Variants in CACNA2D1 observed in about 807,000 individuals in gnomAD.
CACNA2D1 encodes the protein calcium voltage-gated channel auxiliary subunit alpha2delta 1.
A neutral mutation model predicts 171.5 loss-of-function variants in CACNA2D1; 53 were observed. The observed-to-expected ratio is 0.31, with a 90% confidence interval of 0.25 to 0.39. The LOEUF (loss-of-function observed/expected upper bound fraction) is 0.39. Among genes scored for constraint, CACNA2D1 ranks in the 10% least tolerant of loss-of-function variants. The pLI, the probability that CACNA2D1 is intolerant of heterozygous loss-of-function variation, is 1.00. For synonymous variants in CACNA2D1, 442 were observed against 443.1 expected, an observed-to-expected ratio of 1.00 and a Z score of 0.03; for missense variants, 903 against 1,299.8, an observed-to-expected ratio of 0.69 and a Z score of 4.69.
chr7:82,382,895 C>T (rs1823867628), intron 1 of CACNA2D1, among the ~76,000 whole-genome samples: 1 of 152,142 alleles, frequency 6.6e-6, no homozygotes, highest in Admixed American at 6.6e-5. Flanking sequence ...GGAGACATTT[C>T]TGCATGAAAT....
intron 1 of CACNA2D1, among the ~76,000 whole-genome samples, chr7:82,367,221 T>C (rs937234401): frequency 6.6e-6 from 1 of 152,130 alleles, no homozygotes; most frequent in Non-Finnish European, 1.5e-5. Flanking sequence ...TTTTTGACTT[T>C]TTAAATATCC....
intron 3 of CACNA2D1, among the ~76,000 whole-genome samples, chr7:82,310,423 CTAAA>C (rs1193508154): frequency 6.6e-6 from 1 of 151,800 alleles, no homozygotes; most frequent in Non-Finnish European, 1.5e-5. Flanking sequence ...GCAGACAAAA[CTAAA>C]TGGGCATAGA....
intron 1 of CACNA2D1, among the ~76,000 whole-genome samples, chr7:82,361,556 T>C (rs564432895): frequency 1.6e-4 from 24 of 152,308 alleles, no homozygotes; most frequent in African/African-American, 4.8e-4. Flanking sequence ...AAAAAAATTA[T>C]ATAATTGCGA....
At chr7:82,283,514 A>G (rs1388197787) in intron 3 of CACNA2D1, among the ~76,000 whole-genome samples, 1 of 152,234 alleles carries the variant, frequency 6.6e-6, no homozygotes, top group Admixed American at 6.5e-5. Flanking sequence ...GCAATTTCAT[A>G]TGGAGATTAA....
intron 1 of CACNA2D1, among the ~76,000 whole-genome samples, chr7:82,380,986 C>T (rs934612349): frequency 2.6e-5 from 4 of 151,938 alleles, no homozygotes; most frequent in South Asian, 2.1e-4. Flanking sequence ...TGAGCCACTG[C>T]GCCCGGCCAC....
At chr7:82,028,810 A>G (rs1802285391) in intron 12 of CACNA2D1, 1 of 151,924 alleles carries the variant, frequency 6.6e-6, no homozygotes, top group Non-Finnish European at 1.5e-5. Context: ...ATCTCATGAT[A>G]AAACTTGAAC....
intron 3 of CACNA2D1, among the ~76,000 whole-genome samples, chr7:82,246,837 C>T (rs1005347868): frequency 2.6e-5 from 4 of 152,092 alleles, no homozygotes; most frequent in Admixed American, 1.3e-4. Flanking sequence ...TGGTTAAATT[C>T]TGTCAGTATT....
At chr7:82,355,652 A>T (rs1285486915) in intron 1 of CACNA2D1, among the ~76,000 whole-genome samples, 1 of 152,034 alleles carries the variant, frequency 6.6e-6, no homozygotes, top group African/African-American at 2.4e-5. Flanking sequence ...CCGTGCTCCT[A>T]TGGCTCCTAT....
chr7:82,410,713 G>A lies in CACNA2D1; in HGVS notation c.95+32652C>T, dbSNP rs1462214766. Among the ~76,000 whole-genome samples the A allele has an allele frequency of 2.0e-5, 3 of 152,194 alleles. No individual in the cohort carries two copies. In the East Asian group the frequency reaches 5.8e-4, roughly 29 times the overall value. The stretch of plus-strand genomic sequence containing the variant: ...CTAAAAATAAAGCGACAAAAGCACG[G>A]GGAAGGCAGAATGAATTCTTAACAC... On this transcript the variant is annotated intron_variant, in intron 1 of 38. Coordinates refer to ENST00000356860, the MANE Select transcript of CACNA2D1 (RefSeq NM_000722.4).
intron 10 of CACNA2D1, among the ~76,000 whole-genome samples, chr7:82,056,098 T>G (rs1156329531): frequency 6.8e-6 from 1 of 146,988 alleles, no homozygotes; most frequent in African/African-American, 2.5e-5. Context: ...AAAGAAGATA[T>G]TTAACAAAAG....
intron 6 of CACNA2D1, among the ~76,000 whole-genome samples, chr7:82,100,312 G>T (rs574333971): frequency 6.6e-6 from 1 of 152,076 alleles, no homozygotes; most frequent in Non-Finnish European, 1.5e-5. Flanking sequence ...TCTACTTCTT[G>T]AAATGTCTTA....
chr7:82,389,199 G>T (rs976111034), intron 1 of CACNA2D1, among the ~76,000 whole-genome samples: 1 of 148,094 alleles, frequency 6.8e-6, no homozygotes, highest in African/African-American at 2.5e-5. Flanking sequence ...ATATGTAAAG[G>T]TATATGTATG....
chr7:82,102,489 C>T (rs145064297), intron 6 of CACNA2D1, among the ~76,000 whole-genome samples: 9 of 151,234 alleles, frequency 6.0e-5, no homozygotes, highest in East Asian at 1.9e-4. Context: ...TATATATACA[C>T]ACACACACAC....
At chr7:81,975,033 A>C (rs938864614) in intron 24 of CACNA2D1, among the ~76,000 whole-genome samples, 9 of 152,158 alleles carry the variant, frequency 5.9e-5, no homozygotes, top group Admixed American at 1.3e-4. Context: ...AAAATAAAAA[A>C]AAAATTGCCT....
At chr7:82,198,741 A>C (rs1396651962) in intron 3 of CACNA2D1, among the ~76,000 whole-genome samples, 1 of 151,756 alleles carries the variant, frequency 6.6e-6, no homozygotes, top group African/African-American at 2.4e-5. Flanking sequence ...GCTTATGGAT[A>C]GGAAACCTAA....
At chr7:82,439,709 C>G (rs981601228) in intron 1 of CACNA2D1, among the ~76,000 whole-genome samples, 2 of 151,088 alleles carry the variant, frequency 1.3e-5, no homozygotes, top group Admixed American at 1.3e-4. Flanking sequence ...CATAATATTA[C>G]TACTTACGTG....
intron 6 of CACNA2D1, among the ~76,000 whole-genome samples, chr7:82,115,037 G>T (rs1305131315): frequency 6.6e-6 from 1 of 152,098 alleles, no homozygotes; most frequent in African/African-American, 2.4e-5. Flanking sequence ...AATCATAAAA[G>T]ATTTCTAATA....
At position 82,305,409 on chromosome 7, in the gene CACNA2D1, G is replaced by A. The variant is rs951591554; in HGVS notation, c.294+29726C>T. ...AAGCTGTCTTTTGTCAAGGAGACTT[G>A]CTCTGTTTAAAAAGAATCTTATTAG... On this transcript the variant is annotated intron_variant, in intron 3 of 38. Coordinates refer to ENST00000356860, the MANE Select transcript of CACNA2D1 (RefSeq NM_000722.4). Among the ~76,000 whole-genome samples the A allele has an allele frequency of 2.6e-5, 4 of 152,122 alleles. No individual in the cohort carries two copies. In the East Asian group the frequency reaches 7.7e-4, roughly 29 times the overall value.
chr7:82,285,623 G>A (rs1810664118), intron 3 of CACNA2D1, among the ~76,000 whole-genome samples: 1 of 152,138 alleles, frequency 6.6e-6, no homozygotes, highest in South Asian at 2.1e-4. Context: ...ATGATTAGTG[G>A]ACTATATGTA....
Sources: gnomAD v4.1 joint callset for allele counts (sites outside exome capture counted in the v4.1 genomes callset) on GRCh38, gnomAD v4.1.1 for gene constraint, MANE v1.5 for transcripts, NCBI Gene and HGNC (gene_info 2026-07-23, HGNC 2026-07-21) for gene names.